Variants in NEXN observed in about 807,000 individuals in gnomAD.
The protein encoded by NEXN is nexilin.
Under a neutral mutation model 92.6 loss-of-function variants are expected in NEXN, and 65 were observed. The ratio of observed to expected loss-of-function variants is 0.70; its 90% CI spans 0.57 to 0.86. The LOEUF is 0.86. Among genes scored for constraint, NEXN ranks in the 40% least tolerant of loss-of-function variants. The probability of loss-of-function intolerance (pLI) is 0.00; values close to 1 mark genes in which losing one functional copy is unlikely to be tolerated. For missense variants in NEXN, 778 were observed against 771.1 expected (o/e 1.01, Z -0.11); for synonymous variants, 254 against 242.5 (o/e 1.05, Z -0.44).
At chr1:77,942,432 C>T (rs760679285) in intron 12 of NEXN, 29 bp from the exon 13 acceptor site, 2 of 1,604,718 alleles carry the variant, frequency 1.2e-6, no homozygotes, top group African/African-American at 2.7e-5. Context: ...ACTATAAATG[C>T]CAACCTGAAT....
intron 11 of NEXN, 52 bp from the exon 12 acceptor site, chr1:77,941,968 GCTT>G: frequency 1.3e-6 from 2 of 1,541,996 alleles, no homozygotes; most frequent in Admixed American, 1.8e-5. Context: ...AACTAGTAAC[GCTT>G]CTTTGTTTTT....
Position 77,933,318 on chromosome 1 carries a change from A to G in NEXN, c.1090A>G (p.Ile364Val). 6.2e-7 allele frequency: 1 copy of G among 1,607,546 alleles called. No individual in the cohort carries two copies. The highest frequency in any genetic ancestry group is 8.5e-7 in the Non-Finnish European group (1 of 1,175,180). The change falls in exon 10 of 13, where the codon ATC becomes GTC. Residue 364 changes from isoleucine to valine, a missense_variant. Physicochemically the swap from Ile to Val is conservative, Grantham distance 29. Coordinates refer to ENST00000334785, the MANE Select transcript of NEXN (RefSeq NM_144573.4). ...TGACTCCCCAGAGATGTATAAGACA[A>G]TCTCTCAAGAATTTCTTACACCGGG... ...DDDSPEMYKT[I>V]SQEFLTPGKL...
intron 1 of NEXN, among the ~76,000 whole-genome samples, chr1:77,905,411 C>T (rs1648041349): frequency 6.6e-6 from 1 of 152,028 alleles, no homozygotes; most frequent in African/African-American, 2.4e-5. Flanking sequence ...TTGTTCAGGG[C>T]TGGGCATGGT....
rs1452312735 is a variant in NEXN, at chr1:77,936,126, G to A, written c.1473+82G>A. 13 of 1,055,652 alleles carry A rather than the reference G, an allele frequency of 1.2e-5. No individual in the cohort carries two copies. In the Admixed American group the frequency reaches 1.9e-4, roughly 16 times the overall value. 65.4% of individuals were successfully genotyped at this position (1,055,652 alleles called of 1,614,324 possible). ...AGAAGTAACATTGGCTTTGAAATAA[G>A]TTTTAGTACTTAAAATTAATCATTG... On this transcript the variant is annotated intron_variant, in intron 11 of 12. Coordinates refer to ENST00000334785, the MANE Select transcript of NEXN (RefSeq NM_144573.4).
chr1:77,900,667 A>G (rs971024890), intron 1 of NEXN, among the ~76,000 whole-genome samples: 1 of 152,232 alleles, frequency 6.6e-6, no homozygotes, highest in African/African-American at 2.4e-5. Flanking sequence ...GTCTTCATTT[A>G]ACATGAATGC....
chr1:77,936,918 T>G (rs1650812196), intron 11 of NEXN, among the ~76,000 whole-genome samples: 1 of 152,194 alleles, frequency 6.6e-6, no homozygotes, highest in African/African-American at 2.4e-5. Context: ...AATTCATTAT[T>G]ATTGAGGCAT....
At chr1:77,923,210 G>C (rs998600427) in intron 5 of NEXN, among the ~76,000 whole-genome samples, 1 of 146,790 alleles carries the variant, frequency 6.8e-6, no homozygotes, top group African/African-American at 2.5e-5. Flanking sequence ...TGTTGCCCAG[G>C]TTGGTCTTGA....
intron 1 of NEXN, among the ~76,000 whole-genome samples, chr1:77,913,745 A>C (rs2102079838): frequency 6.6e-6 from 1 of 152,278 alleles, no homozygotes; most frequent in Admixed American, 6.5e-5. Flanking sequence ...ATATGCTCTT[A>C]CCATATAATC....
chr1:77,942,216 G>A lies in NEXN; in HGVS notation c.1659+8G>A. 6.2e-7 allele frequency: 1 copy of A among 1,611,994 alleles called. No homozygotes were observed. Among genetic ancestry groups the A allele is most frequent in the East Asian group, 2.2e-5 (1 of 44,844 alleles). ...GATGCAGCACTACAAAAGGTACCAG[G>A]CTTATGTATCCTTTATTTTCCAAAG... On this transcript the variant is annotated splice_region_variant and intron_variant, in intron 12 of 12. Transcript: ENST00000334785.
chr1:77,915,147 C>T (rs1019058553), intron 1 of NEXN, among the ~76,000 whole-genome samples: 1 of 151,080 alleles, frequency 6.6e-6, no homozygotes, highest in Admixed American at 6.6e-5. Context: ...GACCCCATTT[C>T]TATAGAGAAA....
At chr1:77,902,826 A>C (rs951029104) in intron 1 of NEXN, among the ~76,000 whole-genome samples, 10 of 152,210 alleles carry the variant, frequency 6.6e-5, no homozygotes, top group Admixed American at 5.9e-4. Flanking sequence ...GAGGTCTCAG[A>C]GACTGAAGGA....
chr1:77,910,569 A>G (rs900876731), intron 1 of NEXN, among the ~76,000 whole-genome samples: 10 of 151,922 alleles, frequency 6.6e-5, no homozygotes, highest in African/African-American at 2.4e-4. Flanking sequence ...TGGCCAACAT[A>G]GTGAAACCCT....
chr1:77,931,412 C>CAAAAAA (rs138490881), intron 9 of NEXN, among the ~76,000 whole-genome samples: 1 of 57,566 alleles, frequency 1.7e-5, no homozygotes. Context: ...GACTCCGTCT[C>CAAAAAA]AAAAAAAAAA....
At chr1:77,920,053 C>A (rs1400176148) in intron 5 of NEXN, among the ~76,000 whole-genome samples, 1 of 151,870 alleles carries the variant, frequency 6.6e-6, no homozygotes, top group Non-Finnish European at 1.5e-5. Context: ...CACATGCCAC[C>A]ACTCCCAGCT....
intron 11 of NEXN, among the ~76,000 whole-genome samples, chr1:77,941,305 C>T (rs1039531649): frequency 6.6e-6 from 1 of 152,150 alleles, no homozygotes; most frequent in Admixed American, 6.5e-5. Flanking sequence ...CCCACATTAA[C>T]CCCACTCCAC....
chr1:77,928,265 T>C (rs1202269044), intron 8 of NEXN, among the ~76,000 whole-genome samples: 1 of 149,176 alleles, frequency 6.7e-6, no homozygotes, highest in Non-Finnish European at 1.5e-5. Context: ...GAACTATGAA[T>C]GAGCCACTGG....
intron 11 of NEXN, among the ~76,000 whole-genome samples, chr1:77,941,041 G>T (rs868422415): frequency 6.6e-6 from 1 of 152,144 alleles, no homozygotes; most frequent in South Asian, 2.1e-4. Context: ...TACAAGGTAC[G>T]AGGTGTGAGG....
At chr1:77,889,730 G>A (rs956710091) in intron 1 of NEXN, among the ~76,000 whole-genome samples, 2 of 152,132 alleles carry the variant, frequency 1.3e-5, no homozygotes, top group African/African-American at 4.8e-5. Flanking sequence ...CCTTGGTGAA[G>A]ACACAGGTAG....
chr1:77,897,461 G>A (rs1172271096), intron 1 of NEXN, among the ~76,000 whole-genome samples: 1 of 152,132 alleles, frequency 6.6e-6, no homozygotes, highest in Non-Finnish European at 1.5e-5. Context: ...ATTCAACAAT[G>A]CTTCATGCTA....
Sources: gnomAD v4.1 joint callset for allele counts (sites outside exome capture counted in the v4.1 genomes callset) on GRCh38, gnomAD v4.1.1 for gene constraint, MANE v1.5 for transcripts, NCBI Gene and HGNC (gene_info 2026-07-23, HGNC 2026-07-21) for gene names.